The following NAV3 variants were observed in gnomAD, a reference collection of about 807,000 sequenced individuals.
NAV3 encodes neuron navigator 3.
NAV3 carries 87 observed loss-of-function variants against 244.7 expected under a neutral mutation model. The ratio of observed to expected loss-of-function variants is 0.36; its 90% confidence interval spans 0.30 to 0.42. The LOEUF is 0.42. NAV3 is among the 20% of genes least tolerant of loss of function. The pLI is 1.00. For missense variants in NAV3, 2,663 were observed against 2,893.3 expected (o/e 0.92, Z 1.83); for synonymous variants, 1,126 against 1,042.2 (o/e 1.08, Z -1.55).
rs771459497 is a variant in NAV3 at position 77,946,863 on chromosome 12, G to T, written c.414+5730G>T. 4.6e-5 allele frequency among the ~76,000 whole-genome samples: 7 copies of T among 152,112 alleles called. No homozygotes were observed. In the South Asian group the frequency reaches 8.3e-4, roughly 18 times the overall value. On this transcript the variant is annotated intron_variant, in intron 3 of 39. Transcript: ENST00000397909. Reference sequence around the variant, plus strand: ...TGACATTTAAAACATTTTTTAAATAGACCATTATATTTAAGGATCTTCAAA... The same window carrying T: ...TGACATTTAAAACATTTTTTAAATATACCATTATATTTAAGGATCTTCAAA...
At chr12:78,144,987 A>T (rs1956805601) in intron 20 of NAV3, 1 of 208,090 alleles carries the variant, frequency 4.8e-6, no homozygotes, top group African/African-American at 2.4e-5. Context: ...ACAAAAGCAA[A>T]GTACTAGGGA....
chr12:77,873,172 C>G (rs1363812637), intron 1 of NAV3, among the ~76,000 whole-genome samples: 3 of 152,214 alleles, frequency 2.0e-5, no homozygotes, highest in Non-Finnish European at 4.4e-5. Flanking sequence ...TGAGGCCTCT[C>G]CAGCCATGTG....
At chr12:78,020,375 A>G (rs1201662988) in intron 8 of NAV3, among the ~76,000 whole-genome samples, 1 of 152,130 alleles carries the variant, frequency 6.6e-6, no homozygotes, top group Non-Finnish European at 1.5e-5. Context: ...TCTGGCCTTA[A>G]TGGTATATAT....
intron 15 of NAV3, among the ~76,000 whole-genome samples, chr12:78,121,436 C>T (rs796994733): frequency 1.7e-4 from 26 of 152,206 alleles, no homozygotes; most frequent in African/African-American, 6.3e-4. Flanking sequence ...GTGACTCAGA[C>T]CACCAGATAC....
chr12:77,665,261 A>G (rs1167499743), intron 2 of NAV3, among the ~76,000 whole-genome samples: 2 of 152,210 alleles, frequency 1.3e-5, no homozygotes, highest in Non-Finnish European at 2.9e-5. Flanking sequence ...AGTCAAGGAC[A>G]TATCTATATT....
intron 2 of NAV3, among the ~76,000 whole-genome samples, chr12:77,809,885 G>T (rs967332546): frequency 6.6e-6 from 1 of 151,970 alleles, no homozygotes; most frequent in Non-Finnish European, 1.5e-5. Flanking sequence ...ATACATACTT[G>T]GTTAATATAT....
At chr12:78,099,925 T>A (rs1954454202) in intron 12 of NAV3, among the ~76,000 whole-genome samples, 1 of 151,964 alleles carries the variant, frequency 6.6e-6, no homozygotes, top group African/African-American at 2.4e-5. Flanking sequence ...TAGGGCTTCC[T>A]TGTATAAAGA....
chr12:78,186,859 G>T (rs766397607), intron 31 of NAV3, among the ~76,000 whole-genome samples: 9 of 151,766 alleles, frequency 5.9e-5, no homozygotes, highest in Admixed American at 6.6e-5. Flanking sequence ...CTCTCTTTTT[G>T]CATTGCAGGT....
rs74761725 is a variant in NAV3 at position 77,576,420 on chromosome 12, G to A, written c.72+4154G>A. ...CTTTCAACTGACATCAAACAGAAGC[G>A]TGGTCTGGGCTTGGTGTCTGCATGT... On this transcript the variant is annotated intron_variant, in intron 2 of 8. Coordinates refer to the NAV3 transcript ENST00000550042. 6.4e-3 allele frequency among the ~76,000 whole-genome samples: 979 copies of A among 152,064 alleles called. 10 individuals carry two copies. Among genetic ancestry groups the A allele is most frequent in the African/African-American group, 0.022 (921 of 41,496 alleles).
intron 2 of NAV3, among the ~76,000 whole-genome samples, chr12:77,658,987 A>G (rs1399125677): frequency 1.3e-5 from 2 of 152,134 alleles, no homozygotes; most frequent in Non-Finnish European, 2.9e-5. Flanking sequence ...TAAACGTTAG[A>G]CCTAAAACCA....
chr12:78,158,224 G>C (rs1280789021), intron 22 of NAV3, among the ~76,000 whole-genome samples: 1 of 151,932 alleles, frequency 6.6e-6, no homozygotes, highest in African/African-American at 2.4e-5. Flanking sequence ...CCCATATATA[G>C]GTATAGTTTA....
chr12:78,042,629 C>T (rs956604114), intron 9 of NAV3, among the ~76,000 whole-genome samples: 2 of 151,326 alleles, frequency 1.3e-5, no homozygotes, highest in African/African-American at 4.9e-5. Flanking sequence ...CCCATCTCTA[C>T]TAAATACAAA....
At chr12:78,188,384 G>T in intron 32 of NAV3, 41 bp downstream of exon 32, 2 of 1,494,384 alleles carry the variant, frequency 1.3e-6, no homozygotes, top group Non-Finnish European at 9.2e-7. Context: ...TTTCAAATAT[G>T]TTTCTCTTTA....
At chr12:77,807,065 G>A (rs534523778) in intron 2 of NAV3, among the ~76,000 whole-genome samples, 10 of 152,218 alleles carry the variant, frequency 6.6e-5, no homozygotes, top group Admixed American at 5.9e-4. Flanking sequence ...TTGAGCCTAT[G>A]TGTGTCTTTG....
intron 2 of NAV3, among the ~76,000 whole-genome samples, chr12:77,782,832 A>T (rs1351536724): frequency 6.6e-6 from 1 of 152,188 alleles, no homozygotes; most frequent in East Asian, 1.9e-4. Context: ...TGGGATTTCC[A>T]CATTTGAAAG....
At position 78,188,668 on chromosome 12, in the gene NAV3, T is replaced by C; in HGVS notation, c.5946T>C (p.Ala1982=). ...TTGGTCTGAGCTCTGACTGCATTGCTAGCTACTGTATAGGAGACTTAATTA... is the reference window on the plus strand; with the variant it reads ...TTGGTCTGAGCTCTGACTGCATTGCCAGCTACTGTATAGGAGACTTAATTA... ...TSLGLSSDCI[A]SYCIGDLIRS... is the part of the protein sequence containing the mutation. Residue 1982 remains alanine, a synonymous_variant, in exon 33 of 40, where the codon GCT becomes GCC. Transcript: ENST00000397909. 6.2e-7 allele frequency: 1 copy of C among 1,612,390 alleles called. No homozygotes were observed.
At chr12:78,137,885 C>T (rs2139024617) in intron 19 of NAV3, among the ~76,000 whole-genome samples, 1 of 152,170 alleles carries the variant, frequency 6.6e-6, no homozygotes, top group South Asian at 2.1e-4. Context: ...GTCACCTAAC[C>T]TAATAAATAT....
intron 2 of NAV3, among the ~76,000 whole-genome samples, chr12:77,595,689 A>G (rs1363361258): frequency 1.3e-5 from 2 of 152,146 alleles, no homozygotes; most frequent in Non-Finnish European, 2.9e-5. Context: ...TATCTTACCA[A>G]TTTTTATCTT....
At chr12:78,198,767 G>A (rs1959271227) in intron 36 of NAV3, 91 bp downstream of exon 36, 1 of 872,908 alleles carries the variant, frequency 1.1e-6, no homozygotes, top group African/African-American at 1.7e-5. Context: ...CTTCCTGTTT[G>A]TTTTTGTGGT....
Sources: gnomAD v4.1 joint callset for allele counts (sites outside exome capture counted in the v4.1 genomes callset) on GRCh38, gnomAD v4.1.1 for gene constraint, MANE v1.5 for transcripts, NCBI Gene and HGNC (gene_info 2026-07-23, HGNC 2026-07-21) for gene names.